EFCAB5: variants seen among roughly 807,000 people sequenced by gnomAD.
The protein encoded by EFCAB5 is EF-hand calcium binding domain 5, also known as EF-hand calcium-binding domain-containing protein 5.
A neutral mutation model predicts 167.9 loss-of-function variants in EFCAB5; 131 were observed. The observed-to-expected ratio is 0.78, with a 90% CI of 0.68 to 0.90. The LOEUF is 0.90. Ranked by LOEUF, EFCAB5 falls within the 40% of genes least tolerant of loss-of-function variation. The probability of loss-of-function intolerance (pLI) is 0.00; values close to 1 mark genes in which losing one functional copy is unlikely to be tolerated. For missense variants in EFCAB5, 1,663 were observed against 1,745.2 expected, an observed-to-expected ratio of 0.95 and a Z score of 0.84; for synonymous variants, 574 against 602.8, an observed-to-expected ratio of 0.95 and a Z score of 0.70.
At chr17:30,020,527 G>A (rs2069153151) in intron 7 of EFCAB5, among the ~76,000 whole-genome samples, 1 of 152,006 alleles carries the variant, frequency 6.6e-6, no homozygotes, top group Non-Finnish European at 1.5e-5. Flanking sequence ...ACCATGCACA[G>A]CTAATTTTTG....
chr17:30,073,644 G>T, intron 14 of EFCAB5: 1 of 709,232 alleles, frequency 1.4e-6, no homozygotes. Flanking sequence ...CTTTTTGCCC[G>T]TAGGGAAAGA....
At chr17:30,067,446 C>T (rs189662558) in intron 14 of EFCAB5, among the ~76,000 whole-genome samples, 1 of 152,106 alleles carries the variant, frequency 6.6e-6, no homozygotes, top group East Asian at 1.9e-4. Flanking sequence ...AAGACCCTGT[C>T]TCTATTTAAA....
At chr17:30,097,543 T>G (rs762793905) in intron 22 of EFCAB5, among the ~76,000 whole-genome samples, 10 of 152,238 alleles carry the variant, frequency 6.6e-5, no homozygotes, top group Non-Finnish European at 1.3e-4. Context: ...TGTCTTTTGA[T>G]TCATCAATTT....
intron 22 of EFCAB5, among the ~76,000 whole-genome samples, chr17:30,095,964 CA>C (rs201965660): frequency 0.012 from 1,765 of 152,344 alleles, 17 homozygotes; most frequent in Non-Finnish European, 0.016. Context: ...CATTTATTTA[CA>C]AGTTGCTCAC....
chr17:30,009,572 TC>T (rs1197860397), intron 7 of EFCAB5, among the ~76,000 whole-genome samples: 1 of 152,366 alleles, frequency 6.6e-6, no homozygotes, highest in African/African-American at 2.4e-5. Context: ...GTACTTCATT[TC>T]TTTTTATTGC....
At chr17:30,008,330 C>T (rs111242962) in intron 7 of EFCAB5, among the ~76,000 whole-genome samples, 3,763 of 152,246 alleles carry the variant, frequency 0.025, 65 homozygotes, top group Admixed American at 0.037. Context: ...AGGTGGCTCA[C>T]GCCTGTAATC....
chr17:30,105,648 T>C (rs1157726931), intron 22 of EFCAB5, among the ~76,000 whole-genome samples: 3 of 152,246 alleles, frequency 2.0e-5, no homozygotes, highest in Non-Finnish European at 4.4e-5. Flanking sequence ...GACCAGCATC[T>C]GTTTTGTTTT....
intron 8 of EFCAB5, among the ~76,000 whole-genome samples, chr17:30,040,258 A>G (rs558766372): frequency 1.3e-5 from 2 of 152,320 alleles, no homozygotes; most frequent in South Asian, 4.1e-4. Context: ...TCCAGCCTCC[A>G]TCTTCCAAAA....
chr17:30,034,442 T>C (rs1201618534), intron 8 of EFCAB5, 57 bp downstream of exon 8: 1 of 1,536,804 alleles, frequency 6.5e-7, no homozygotes, highest in African/African-American at 1.4e-5. Flanking sequence ...CTCACGCCTG[T>C]AATCCCAGCA....
At chr17:30,004,044 A>C (rs2151663073) in intron 7 of EFCAB5, among the ~76,000 whole-genome samples, 1 of 152,362 alleles carries the variant, frequency 6.6e-6, no homozygotes, top group African/African-American at 2.4e-5. Context: ...AAGAGGGTCC[A>C]TCCAACAGGT....
In EFCAB5 at chr17:29,993,280, G is replaced by T; in HGVS notation, c.883G>T (p.Glu295Ter). Residue 295 changes from glutamate (E) to a stop codon, truncating the protein, a stop_gained, in exon 5 of 23, where the codon GAA becomes TAA. Transcript: ENST00000394835. LOFTEE classifies it high-confidence loss of function. Reference protein sequence around the residue: ...RKQALQEQFDEWILDPKGMIP... With the variant: ...RKQALQEQFD ...ACAGGCTCTGCAGGAGCAATTCGAT[G>T]AATGGATTCTAGACCCTAAAGGAAT... is the stretch of plus-strand genomic sequence containing the variant. 6.2e-7 allele frequency: 1 copy of T among 1,613,842 alleles called. No homozygotes were observed. Among genetic ancestry groups the T allele is most frequent in the South Asian group, 1.1e-5 (1 of 91,032 alleles).
intron 7 of EFCAB5, among the ~76,000 whole-genome samples, chr17:30,004,674 G>T (rs1345421819): frequency 6.7e-6 from 1 of 148,806 alleles, no homozygotes; most frequent in Non-Finnish European, 1.5e-5. Context: ...AGTCTGGAGT[G>T]CAGTGGTGCA....
chr17:30,047,556 C>A (rs951672164), intron 8 of EFCAB5, among the ~76,000 whole-genome samples: 3 of 152,072 alleles, frequency 2.0e-5, no homozygotes, highest in African/African-American at 4.8e-5. Context: ...GTATTTTGAT[C>A]CAATCTCAAA....
chr17:30,016,267 T>C (rs1415114974), intron 7 of EFCAB5, among the ~76,000 whole-genome samples: 2 of 151,996 alleles, frequency 1.3e-5, no homozygotes, highest in Non-Finnish European at 2.9e-5. Context: ...AATTTGTCTA[T>C]TTTTTTTCTT....
intron 3 of EFCAB5, among the ~76,000 whole-genome samples, chr17:29,966,775 A>C (rs2067837351): frequency 6.6e-6 from 1 of 152,110 alleles, no homozygotes; most frequent in Admixed American, 6.6e-5. Flanking sequence ...TTGAGTGTGG[A>C]GTATCTACAT....
chr17:29,940,377 T>G (rs1334360907), upstream of EFCAB5, among the ~76,000 whole-genome samples: 2 of 152,070 alleles, frequency 1.3e-5, no homozygotes, highest in Admixed American at 6.5e-5. Context: ...GCGCCCGGAC[T>G]AAACTGGGAA....
At chr17:29,994,586 A>T (rs930247033) in intron 5 of EFCAB5, among the ~76,000 whole-genome samples, 3 of 152,192 alleles carry the variant, frequency 2.0e-5, no homozygotes, top group Non-Finnish European at 4.4e-5. Flanking sequence ...GAATTAAAAG[A>T]TAATAAAAAT....
chr17:30,010,132 G>A (rs944571304), intron 7 of EFCAB5, among the ~76,000 whole-genome samples: 13 of 152,110 alleles, frequency 8.5e-5, no homozygotes, highest in African/African-American at 3.1e-4. Context: ...CAAAGGACAT[G>A]AGCTCATCTT....
chr17:30,006,949 G>A (rs1036758356), intron 7 of EFCAB5, among the ~76,000 whole-genome samples: 1 of 152,122 alleles, frequency 6.6e-6, no homozygotes, highest in Non-Finnish European at 1.5e-5. Flanking sequence ...GAGCCACTGC[G>A]CCCAGCTGAA....
Sources: allele counts gnomAD v4.1 joint callset (sites outside exome capture counted in the v4.1 genomes callset), GRCh38; gene constraint gnomAD v4.1.1; transcripts MANE v1.5; gene names NCBI Gene and HGNC (gene_info 2026-07-23, HGNC 2026-07-21).